Variants in USH1C observed in about 807,000 individuals in gnomAD.
The protein encoded by USH1C is USH1 protein network component harmonin, also known as harmonin.
USH1C carries 90 observed loss-of-function variants against 119.3 expected under a neutral mutation model. That is an observed-to-expected ratio of 0.75 (90% CI 0.64 to 0.90). The LOEUF is 0.90. Ranked by LOEUF, USH1C falls within the 40% of genes least tolerant of loss-of-function variation. The probability of loss-of-function intolerance (pLI) is 0.00; values close to 1 mark genes in which losing one functional copy is unlikely to be tolerated. For synonymous variants in USH1C, 465 were observed against 443.3 expected (o/e 1.05, Z -0.62); for missense variants, 1,165 against 1,167.7 (o/e 1.00, Z 0.03).
At position 17,524,464 on chromosome 11, in the gene USH1C, TCAG is replaced by T; in HGVS notation, c.743_745del (p.Ala248del). Reference sequence around the variant, plus strand: ...AGCGTCACTCACCTCCAATCCCACCTCAGCAGACAGGGAGCCAGGTTTCACATG... The same window carrying T: ...AGCGTCACTCACCTCCAATCCCACCTCAGACAGGGAGCCAGGTTTCACATG... On this transcript the variant is annotated inframe_deletion, in exon 9 of 27. Coordinates refer to ENST00000005226, the MANE Select transcript of USH1C (RefSeq NM_153676.4). The T allele has an allele frequency of 6.4e-7, 1 of 1,573,614 alleles. No homozygotes were observed. Among genetic ancestry groups the T allele is most frequent in the Non-Finnish European group, 8.6e-7 (1 of 1,157,956 alleles).
At chr11:17,521,105 T>C in intron 13 of USH1C, 111 bp from the exon 14 acceptor site, 3 of 1,450,756 alleles carry the variant, frequency 2.1e-6, no homozygotes, top group Admixed American at 3.4e-5. Context: ...GTTCTAGTCA[T>C]GATGAATCAA....
Position 17,504,632 on chromosome 11 carries a change from T to G in USH1C, c.2184+15A>C, listed in dbSNP as rs1418272767. 1.2e-6 allele frequency: 2 copies of G among 1,613,758 alleles called. No individual in the cohort carries two copies. Among genetic ancestry groups the G allele is most frequent in the Non-Finnish European group, 8.5e-7 (1 of 1,179,834 alleles). On this transcript the variant is annotated intron_variant, in intron 20 of 26. Coordinates refer to ENST00000005226, the MANE Select transcript of USH1C (RefSeq NM_153676.4). ...GGTGGGGAGACCTCCAGACACACAA[T>G]GGGTATCAGTTTACTTGTCTGAATG...
rs377283948 is a variant in USH1C at position 17,499,735 on chromosome 11, C to T, written c.2380+1316G>A. Among the ~76,000 whole-genome samples, 9 of 152,356 alleles carry T rather than the reference C, an allele frequency of 5.9e-5. No homozygotes were observed. The East Asian group carries it at 1.5e-3, about 26-fold the overall frequency. ...AGTCACCAAGGTCATGGGTGCAGAG[C>T]TGGACTTGTATCCAGGGCTCCCAAT... On this transcript the variant is annotated intron_variant, in intron 23 of 26. Coordinates refer to ENST00000005226, the MANE Select transcript of USH1C (RefSeq NM_153676.4).
intron 24 of USH1C, 51 bp downstream of exon 24, chr11:17,498,111 G>T: frequency 6.4e-7 from 1 of 1,561,564 alleles, no homozygotes; most frequent in Non-Finnish European, 8.8e-7. Flanking sequence ...AGAGGCCAGG[G>T]TTTGAGGCAG....
chr11:17,535,052 G>A (rs1160001575), intron 1 of USH1C, among the ~76,000 whole-genome samples: 1 of 152,114 alleles, frequency 6.6e-6, no homozygotes, highest in Non-Finnish European at 1.5e-5. Context: ...TGGGGCAGGG[G>A]TGCCTCCCTG....
At chr11:17,533,414 C>T (rs1851085805) in intron 1 of USH1C, 92 bp from the exon 2 acceptor site, 1 of 921,714 alleles carries the variant, frequency 1.1e-6, no homozygotes, top group Non-Finnish European at 1.8e-6. Context: ...CAAGGGCCTC[C>T]CCAGCAGCTT....
chr11:17,532,826 A>T (rs929889257), intron 2 of USH1C, among the ~76,000 whole-genome samples: 1 of 152,230 alleles, frequency 6.6e-6, no homozygotes, highest in African/African-American at 2.4e-5. Flanking sequence ...ATTCATTTCC[A>T]GATTCTGCAC....
intron 6 of USH1C, 74 bp from the exon 7 acceptor site, chr11:17,526,884 C>T (rs1850705748): frequency 6.3e-7 from 1 of 1,591,636 alleles, no homozygotes; most frequent in South Asian, 1.1e-5. Flanking sequence ...ACATCCAGAT[C>T]CACCATGTCT....
intron 19 of USH1C, among the ~76,000 whole-genome samples, chr11:17,505,165 G>A (rs1429987946): frequency 6.6e-6 from 1 of 152,236 alleles, no homozygotes; most frequent in Non-Finnish European, 1.5e-5. Context: ...TGAGACTGGC[G>A]GACATTTCTC....
At position 17,528,760 on chromosome 11, in the gene USH1C, T is replaced by C. The variant is rs186940036; in HGVS notation, c.388-1429A>G. 3.0e-3 allele frequency among the ~76,000 whole-genome samples: 458 copies of C among 152,288 alleles called. 3 individuals carry two copies. The highest frequency in any genetic ancestry group is 0.011 in the African/African-American group (444 of 41,562). ...CTCCGGGACACAGACCCCAGTCTTC[T>C]CAGGGACCTGACAGGAGTGGCCAAG... On this transcript the variant is annotated intron_variant, in intron 4 of 26. Transcript: ENST00000005226.
chr11:17,524,810 C>T (rs549434978), intron 8 of USH1C, among the ~76,000 whole-genome samples: 11 of 152,266 alleles, frequency 7.2e-5, no homozygotes, highest in African/African-American at 2.6e-4. Context: ...GACTCAAATG[C>T]TATCCCTTCT....
chr11:17,509,458 A>G lies in USH1C; in HGVS notation c.1911T>C (p.Thr637=), dbSNP rs200193937. Residue 637 remains threonine, a synonymous_variant, in exon 18 of 27, where the codon ACT becomes ACC. Coordinates refer to ENST00000005226, the MANE Select transcript of USH1C (RefSeq NM_153676.4). ...EEALSNHPFR[T]GDTGNPVEDW... ...CCTCCACTGGATTGCCTGTGTCCCC[A>G]GTGCGGAAGGGATGGTTGCTCAGTG... 6 of 1,578,552 alleles carry G rather than the reference A, an allele frequency of 3.8e-6. No homozygotes were observed. Among genetic ancestry groups the G allele is most frequent in the African/African-American group, 1.4e-5 (1 of 71,510 alleles).
intron 20 of USH1C, 75 bp downstream of exon 20, chr11:17,504,572 A>G (rs1219786716): frequency 5.9e-6 from 9 of 1,530,712 alleles, no homozygotes; most frequent in Non-Finnish European, 8.1e-6. Flanking sequence ...ACTCCCAGAG[A>G]GAAAGAAGTG....
At position 17,504,516 on chromosome 11, in the gene USH1C, G is replaced by A. The variant is rs1162369745; in HGVS notation, c.2184+131C>T. 41 of 1,000,146 alleles carry A rather than the reference G, an allele frequency of 4.1e-5. No individual in the cohort carries two copies. The Admixed American group carries it at 7.0e-4, about 17-fold the overall frequency. 62.0% of individuals were successfully genotyped at this position (1,000,146 alleles called of 1,614,324 possible). ...GCAGGCAATGGAGGACACAGCTCTG[G>A]CCTGAGGCTTGGTGGCAGATGGGGC... On this transcript the variant is annotated intron_variant, in intron 20 of 26. Coordinates refer to ENST00000005226, the MANE Select transcript of USH1C (RefSeq NM_153676.4).
chr11:17,516,267 C>A lies in USH1C; in HGVS notation c.1234G>T (p.Asp412Tyr). The A allele has an allele frequency of 6.2e-7, 1 of 1,613,528 alleles. No homozygotes were observed. The highest frequency in any genetic ancestry group is 8.5e-7 in the Non-Finnish European group (1 of 1,179,862). ...TTCCGGATGGTTGGGAATTTGCCATCGTAACGATAAAACCATCCAAAAGCT... is the reference window on the plus strand; with the variant it reads ...TTCCGGATGGTTGGGAATTTGCCATAGTAACGATAAAACCATCCAAAAGCT... Reference protein sequence around the residue: ...PKSFGWFYRYDGKFPTIRKKG... With the variant: ...PKSFGWFYRYYGKFPTIRKKG... The change falls in exon 15 of 27, where the codon GAT becomes TAT. Residue 412 changes from aspartate (D) to tyrosine (Y), a missense_variant. Asp to Tyr is a radical substitution (Grantham distance 160). Transcript: ENST00000005226.
chr11:17,523,022 C>T (rs1258707626), intron 11 of USH1C, 96 bp from the exon 12 acceptor site: 2 of 1,589,346 alleles, frequency 1.3e-6, no homozygotes, highest in Non-Finnish European at 1.7e-6. Flanking sequence ...GTCTTCTCAG[C>T]ACCATCAGGC....
At chr11:17,505,972 A>C in intron 18 of USH1C, 23 bp from the exon 19 acceptor site, 1 of 1,614,060 alleles carries the variant, frequency 6.2e-7, no homozygotes, top group East Asian at 2.2e-5. Flanking sequence ...TTTAACAGGG[A>C]CCCAGGTGAG....
chr11:17,522,725 G>A, intron 12 of USH1C, 59 bp downstream of exon 12: 4 of 1,611,560 alleles, frequency 2.5e-6, no homozygotes, highest in South Asian at 1.1e-5. Context: ...AGCAAGCTAG[G>A]TGGGGTCGTG....
intron 1 of USH1C, among the ~76,000 whole-genome samples, chr11:17,541,286 T>C (rs1851456146): frequency 6.6e-6 from 1 of 152,264 alleles, no homozygotes; most frequent in Non-Finnish European, 1.5e-5. Context: ...TCTTCCCTAC[T>C]GGAATGTACT....
Sources: gnomAD v4.1 joint callset for allele counts (sites outside exome capture counted in the v4.1 genomes callset) on GRCh38, gnomAD v4.1.1 for gene constraint, MANE v1.5 for transcripts, NCBI Gene and HGNC (gene_info 2026-07-23, HGNC 2026-07-21) for gene names.